The following LARGE1 variants were observed in gnomAD, a reference collection of about 807,000 sequenced individuals.
LARGE1 encodes the protein LARGE xylosyl- and glucuronyltransferase 1.
In LARGE1, 43 loss-of-function variants were observed where a neutral mutation model predicts 87.6. That is an observed-to-expected ratio of 0.49 (90% CI 0.38 to 0.63). The LOEUF (loss-of-function observed/expected upper bound fraction) is 0.63. LARGE1 is among the 30% of genes least tolerant of loss of function. The pLI, the probability that LARGE1 is intolerant of heterozygous loss-of-function variation, is 0.00. For missense variants in LARGE1, 802 were observed against 1,000.2 expected (o/e 0.80, Z 2.67); for synonymous variants, 434 against 394.6 (o/e 1.10, Z -1.18).
At position 33,583,694 on chromosome 22, in the gene LARGE1, T is replaced by G. The variant is rs77531988; in HGVS notation, c.616-18675A>C. 5.5e-3 allele frequency among the ~76,000 whole-genome samples: 832 copies of G among 152,286 alleles called. 6 individuals carry two copies. The highest frequency in any genetic ancestry group is 0.019 in the African/African-American group (778 of 41,548). ...GTACACTATAAAATGAAAGTTCAAT[T>G]TTCCAAATATAAGGACAGTTGGGTC... On this transcript the variant is annotated intron_variant, in intron 5 of 14. Transcript: ENST00000397394.
intron 11 of LARGE1, among the ~76,000 whole-genome samples, chr22:33,258,330 C>T (rs999019010): frequency 1.1e-4 from 17 of 152,154 alleles, no homozygotes; most frequent in African/African-American, 3.9e-4. Flanking sequence ...CCATGCTCAG[C>T]CAAGCAATGC....
chr22:33,657,686 T>G (rs1026369383), intron 2 of LARGE1, among the ~76,000 whole-genome samples: 5 of 152,086 alleles, frequency 3.3e-5, no homozygotes, highest in African/African-American at 1.2e-4. Context: ...TGCCTCTGAT[T>G]TCTCCCTGTT....
At chr22:33,069,202 C>T in the LARGE1 span, among the ~76,000 whole-genome samples, 35 of 152,042 alleles carry the variant, frequency 2.3e-4, no homozygotes, top group African/African-American at 8.0e-4. Context: ...CTCATTCGGC[C>T]GTCTAACAAT....
intron 2 of LARGE1, among the ~76,000 whole-genome samples, chr22:33,727,818 G>C (rs1180258563): frequency 5.3e-5 from 8 of 152,186 alleles, no homozygotes; most frequent in Non-Finnish European, 1.2e-4. Flanking sequence ...GGCAACGACA[G>C]TCAGGGAAGG....
chr22:33,081,432 G>C, the LARGE1 span, among the ~76,000 whole-genome samples: 2 of 152,174 alleles, frequency 1.3e-5, no homozygotes, highest in Admixed American at 6.5e-5. Flanking sequence ...AGAATGATAA[G>C]TAAAAGACTG....
At chr22:33,504,490 C>T (rs781299712) in intron 6 of LARGE1, among the ~76,000 whole-genome samples, 1 of 152,180 alleles carries the variant, frequency 6.6e-6, no homozygotes, top group Non-Finnish European at 1.5e-5. Context: ...AAACTCCTGA[C>T]CTCAGGTGAT....
At chr22:33,840,732 G>A (rs977218755) in intron 1 of LARGE1, among the ~76,000 whole-genome samples, 6 of 151,868 alleles carry the variant, frequency 4.0e-5, no homozygotes, top group South Asian at 2.1e-4. Flanking sequence ...GCACAGTGGC[G>A]TGATCACGGC....
intron 6 of LARGE1, among the ~76,000 whole-genome samples, chr22:33,535,681 G>C (rs532592605): frequency 1.3e-5 from 2 of 152,282 alleles, no homozygotes; most frequent in African/African-American, 4.8e-5. Context: ...CCCCTCATAG[G>C]GCTGGGGATC....
intron 11 of LARGE1, among the ~76,000 whole-genome samples, chr22:33,226,469 A>G (rs1602117035): frequency 6.6e-6 from 1 of 152,166 alleles, no homozygotes; most frequent in Admixed American, 6.5e-5. Flanking sequence ...GGACACATCC[A>G]CCCTGTCCCT....
intron 6 of LARGE1, among the ~76,000 whole-genome samples, chr22:33,557,604 C>G (rs769431813): frequency 2.0e-5 from 3 of 152,272 alleles, no homozygotes; most frequent in Admixed American, 2.0e-4. Context: ...CTCGCTCTGT[C>G]GCCCAGGCTG....
chr22:33,793,852 G>A (rs904478236), intron 1 of LARGE1, among the ~76,000 whole-genome samples: 1 of 151,996 alleles, frequency 6.6e-6, no homozygotes, highest in African/African-American at 2.4e-5. Context: ...CAAAGAGGGG[G>A]TGGTGTGAGA....
intron 11 of LARGE1, among the ~76,000 whole-genome samples, chr22:33,224,447 T>C (rs945581380): frequency 6.6e-6 from 1 of 152,086 alleles, no homozygotes; most frequent in Non-Finnish European, 1.5e-5. Flanking sequence ...ATTATCTCCT[T>C]TAAATTGACT....
At chr22:33,342,971 T>A (rs759661633) in intron 9 of LARGE1, among the ~76,000 whole-genome samples, 1 of 152,230 alleles carries the variant, frequency 6.6e-6, no homozygotes, top group Non-Finnish European at 1.5e-5. Flanking sequence ...TGTGCTAGGA[T>A]CTAAATAAAT....
intron 5 of LARGE1, 131 bp from the exon 6 acceptor site, chr22:33,565,150 A>AAACTCATTCATTTAT: frequency 1.2e-6 from 1 of 818,498 alleles, no homozygotes; most frequent in Non-Finnish European, 2.0e-6. Flanking sequence ...GAATAAATGA[A>AAACTCATTCATTTAT]TGAGTTTTCT....
chr22:33,778,951 T>C lies in LARGE1; in HGVS notation c.-82-17393A>G, dbSNP rs182801274. Among the ~76,000 whole-genome samples, 337 of 152,284 alleles carry C rather than the reference T, an allele frequency of 2.2e-3. 4 individuals are homozygous for C. The highest frequency in any genetic ancestry group is 7.3e-3 in the African/African-American group (303 of 41,574). ...CCAGCGTGAGCCACCGCACCCAGCC[T>C]AGCATCCTGTTTTACAGCTGATTAA... is the stretch of plus-strand genomic sequence containing the variant. On this transcript the variant is annotated intron_variant, in intron 1 of 14. Transcript: ENST00000397394.
intron 1 of LARGE1, among the ~76,000 whole-genome samples, chr22:33,777,815 T>G (rs1463628090): frequency 1.3e-5 from 2 of 152,162 alleles, no homozygotes; most frequent in Non-Finnish European, 1.5e-5. Context: ...CAAAGGCCAA[T>G]GTGAAACTTT....
intron 2 of LARGE1, among the ~76,000 whole-genome samples, chr22:33,690,907 T>C (rs1347468112): frequency 3.3e-5 from 5 of 152,124 alleles, no homozygotes; most frequent in Admixed American, 2.0e-4. Flanking sequence ...TCTCATAAAG[T>C]ACCGCTGAAC....
chr22:33,738,340 G>A (rs1436100530), intron 2 of LARGE1, among the ~76,000 whole-genome samples: 4 of 152,192 alleles, frequency 2.6e-5, no homozygotes, highest in Non-Finnish European at 4.4e-5. Context: ...CTTGCTGGGC[G>A]AAGGGGCAGT....
intron 11 of LARGE1, among the ~76,000 whole-genome samples, chr22:33,222,426 C>A (rs1039429025): frequency 2.0e-5 from 3 of 152,130 alleles, no homozygotes; most frequent in Non-Finnish European, 2.9e-5. Context: ...GGTGCCCCCC[C>A]ACAAAAAATA....
Sources: gnomAD v4.1 joint callset for allele counts (sites outside exome capture counted in the v4.1 genomes callset) on GRCh38, gnomAD v4.1.1 for gene constraint, MANE v1.5 for transcripts, NCBI Gene and HGNC (gene_info 2026-07-23, HGNC 2026-07-21) for gene names.